MGAT4C: variants seen among roughly 807,000 people sequenced by gnomAD.
MGAT4C encodes the protein alpha-1,3-mannosyl-glycoprotein 4-beta-N-acetylglucosaminyltransferase C.
A neutral mutation model predicts 40.1 loss-of-function variants in MGAT4C; 19 were observed. The ratio of observed to expected loss-of-function variants is 0.47; its 90% CI spans 0.33 to 0.70. The LOEUF (loss-of-function observed/expected upper bound fraction) is 0.70. MGAT4C is among the 30% of genes least tolerant of loss of function. The pLI, the probability that MGAT4C is intolerant of heterozygous loss-of-function variation, is 0.02. For missense variants in MGAT4C, 491 were observed against 563.2 expected (o/e 0.87, Z 1.30); for synonymous variants, 181 against 187.1 (o/e 0.97, Z 0.27).
At chr12:86,480,824 T>G (rs1467633943) in intron 2 of MGAT4C, among the ~76,000 whole-genome samples, 1 of 151,876 alleles carries the variant, frequency 6.6e-6, no homozygotes, top group African/African-American at 2.4e-5. Flanking sequence ...TTCCCTTCTC[T>G]ACAATAAAAC....
chr12:86,213,795 T>C lies in MGAT4C; in HGVS notation c.-57+42444A>G, dbSNP rs932675289. 2.6e-5 allele frequency among the ~76,000 whole-genome samples: 4 copies of C among 152,208 alleles called. No individual in the cohort carries two copies. In the South Asian group the frequency reaches 6.2e-4, roughly 24 times the overall value. On this transcript the variant is annotated intron_variant, in intron 1 of 4. Transcript: ENST00000611864. ...AAGGGGATAGACCCATAGTAGAAGT[T>C]TGAAATCAGTGTATGGTTATGTGGA... is the stretch of plus-strand genomic sequence containing the variant.
chr12:86,399,185 T>G (rs968448715), intron 3 of MGAT4C, among the ~76,000 whole-genome samples: 4 of 151,864 alleles, frequency 2.6e-5, no homozygotes, highest in Non-Finnish European at 5.9e-5. Context: ...TTGGCCAGGA[T>G]AGTCTCGATC....
intron 2 of MGAT4C, among the ~76,000 whole-genome samples, chr12:86,664,121 T>C (rs1348059957): frequency 6.6e-6 from 1 of 150,474 alleles, no homozygotes; most frequent in Non-Finnish European, 1.5e-5. Flanking sequence ...TCATCTGGCA[T>C]TGCACAGTCA....
In MGAT4C at chr12:86,191,358, T is replaced by TGC. The variant is rs1566118498; in HGVS notation, c.-57+64880_-57+64881insGC. On this transcript the variant is annotated intron_variant, in intron 1 of 4. Transcript: ENST00000611864. ...GGTGTGACGTGGCAAGAAAACTACG[T>TGC]GAAATGTCTCCATTGAATGCAATGG... Among the ~76,000 whole-genome samples the TGC allele has an allele frequency of 9.3e-5, 14 of 151,284 alleles. No homozygotes were observed. The East Asian group carries it at 1.4e-3, about 15-fold the overall frequency.
intron 1 of MGAT4C, among the ~76,000 whole-genome samples, chr12:86,138,602 TTTC>T (rs1882369449): frequency 2.7e-5 from 4 of 146,754 alleles, no homozygotes; most frequent in East Asian, 3.9e-4. Context: ...CATATATATA[TTTC>T]CATAGATATA....
intron 1 of MGAT4C, among the ~76,000 whole-genome samples, chr12:86,158,850 G>T (rs913920110): frequency 2.0e-5 from 3 of 152,120 alleles, no homozygotes; most frequent in African/African-American, 7.2e-5. Flanking sequence ...GACGGTGTTA[G>T]TGTGTGGAAA....
chr12:86,633,691 T>G (rs527614568), intron 2 of MGAT4C, among the ~76,000 whole-genome samples: 1 of 152,228 alleles, frequency 6.6e-6, no homozygotes, highest in South Asian at 2.1e-4. Flanking sequence ...TCCCTAAAAC[T>G]GAAATAGTTG....
intron 2 of MGAT4C, among the ~76,000 whole-genome samples, chr12:86,456,796 A>G (rs1957517435): frequency 6.6e-6 from 1 of 152,146 alleles, no homozygotes; most frequent in Non-Finnish European, 1.5e-5. Context: ...TACATTTTAA[A>G]AGATGCATGA....
intron 1 of MGAT4C, among the ~76,000 whole-genome samples, chr12:86,214,499 A>AATG (rs879824321): frequency 2.5e-4 from 38 of 152,342 alleles, no homozygotes; most frequent in Admixed American, 4.6e-4. Context: ...GGGTGGCATA[A>AATG]CAATAAATGT....
At chr12:86,432,281 AAAAC>A (rs760908747) in intron 3 of MGAT4C, among the ~76,000 whole-genome samples, 4 of 152,112 alleles carry the variant, frequency 2.6e-5, no homozygotes, top group South Asian at 4.1e-4. Flanking sequence ...TGGTATCTGG[AAAAC>A]AAACAAACAA....
At chr12:86,234,648 T>C (rs1251726822) in intron 1 of MGAT4C, among the ~76,000 whole-genome samples, 1 of 152,160 alleles carries the variant, frequency 6.6e-6, no homozygotes, top group African/African-American at 2.4e-5. Context: ...TGGCCGACAC[T>C]GGTTGTCCTC....
intron 1 of MGAT4C, among the ~76,000 whole-genome samples, chr12:86,200,025 A>C (rs1022496194): frequency 6.6e-6 from 1 of 151,936 alleles, no homozygotes; most frequent in Non-Finnish European, 1.5e-5. Context: ...CTTCCTGTCA[A>C]GCTCTTCTCT....
intron 2 of MGAT4C, among the ~76,000 whole-genome samples, chr12:86,511,186 C>A (rs1342151028): frequency 1.3e-5 from 2 of 151,954 alleles, no homozygotes; most frequent in Non-Finnish European, 2.9e-5. Flanking sequence ...GATTAAGAAT[C>A]TCACTCAAAA....
chr12:86,162,478 G>A (rs1003971837), intron 1 of MGAT4C, among the ~76,000 whole-genome samples: 1 of 152,020 alleles, frequency 6.6e-6, no homozygotes, highest in Non-Finnish European at 1.5e-5. Context: ...GAATAATAGA[G>A]AGTAGTGACA....
At chr12:86,427,668 G>A (rs1956955470) in intron 3 of MGAT4C, among the ~76,000 whole-genome samples, 1 of 152,146 alleles carries the variant, frequency 6.6e-6, no homozygotes, top group Non-Finnish European at 1.5e-5. Context: ...GTATATAATT[G>A]CCATATGTTC....
intron 4 of MGAT4C, among the ~76,000 whole-genome samples, chr12:86,323,036 T>C (rs967582313): frequency 6.6e-6 from 1 of 151,924 alleles, no homozygotes; most frequent in African/African-American, 2.4e-5. Context: ...AAAATCCTAT[T>C]GTAAAACTCT....
chr12:86,081,945 G>T (rs1472664094), intron 1 of MGAT4C, among the ~76,000 whole-genome samples: 1 of 152,058 alleles, frequency 6.6e-6, no homozygotes, highest in African/African-American at 2.4e-5. Context: ...AAGCCTCCAT[G>T]TCACTAGAGA....
chr12:86,789,455 A>C (rs1055808407), intron 1 of MGAT4C, among the ~76,000 whole-genome samples: 5 of 152,118 alleles, frequency 3.3e-5, no homozygotes, highest in African/African-American at 1.2e-4. Context: ...ACATGTAAAC[A>C]ATATTTACAG....
intron 3 of MGAT4C, among the ~76,000 whole-genome samples, chr12:86,391,404 T>C (rs1956157454): frequency 1.3e-5 from 2 of 152,126 alleles, no homozygotes; most frequent in African/African-American, 2.4e-5. Context: ...TGAATTCACA[T>C]GTAATAATAA....
Sources: allele counts gnomAD v4.1 joint callset (sites outside exome capture counted in the v4.1 genomes callset), GRCh38; gene constraint gnomAD v4.1.1; transcripts MANE v1.5; gene names NCBI Gene and HGNC (gene_info 2026-07-23, HGNC 2026-07-21).